DBF4: variants seen among roughly 807,000 people sequenced by gnomAD.
DBF4 encodes the protein DBF4-CDC7 kinase regulatory subunit.
In DBF4, 25 loss-of-function variants were observed where a neutral mutation model predicts 76.6. The observed-to-expected ratio is 0.33, with a 90% CI of 0.24 to 0.46. The LOEUF is 0.46. Among genes scored for constraint, DBF4 ranks in the 20% least tolerant of loss-of-function variants. DBF4 has a pLI of 1.00. For missense variants in DBF4, 638 were observed against 760.8 expected, an observed-to-expected ratio of 0.84 and a Z score of 1.90; for synonymous variants, 213 against 258.0, an observed-to-expected ratio of 0.83 and a Z score of 1.67.
intron 9 of DBF4, 116 bp from the exon 10 acceptor site, chr7:87,900,648 C>G: frequency 1.2e-6 from 1 of 835,692 alleles, no homozygotes; most frequent in Non-Finnish European, 1.9e-6. Flanking sequence ...AAAGTACTTG[C>G]TGATACAAGT....
In DBF4 at chr7:87,907,879, A is replaced by G. The variant is rs13309158; in HGVS notation, c.1741A>G (p.Ile581Val). ...TAAAATACATCGAAAAGTGAAAATA[A>G]TATTAGGACGAAATAGAAAAGAAAA... ...SGKIHRKVKIILGRNRKENLE... is the reference protein window; with the variant it reads ...SGKIHRKVKIVLGRNRKENLE... Residue 581 changes from isoleucine to valine, a missense_variant, in exon 12 of 12, where the codon ATA becomes GTA. Ile to Val is a conservative substitution (Grantham distance 29, BLOSUM62 3). Transcript: ENST00000265728. 25 of 1,613,402 alleles carry G rather than the reference A, an allele frequency of 1.5e-5. No homozygotes were observed. Among genetic ancestry groups the G allele is most frequent in the South Asian group, 5.5e-5 (5 of 90,840 alleles).
chr7:87,878,740 A>G (rs537497071), intron 2 of DBF4, among the ~76,000 whole-genome samples: 2 of 152,362 alleles, frequency 1.3e-5, no homozygotes, highest in East Asian at 1.9e-4. Flanking sequence ...CACTGATTAG[A>G]TGATTGGGAA....
chr7:87,883,613 A>G (rs1839272621), intron 2 of DBF4, among the ~76,000 whole-genome samples: 1 of 152,178 alleles, frequency 6.6e-6, no homozygotes, highest in South Asian at 2.1e-4. Flanking sequence ...TAGGTACATT[A>G]TTTACTGTTC....
chr7:87,906,486 A>G (rs1274417978), intron 11 of DBF4, among the ~76,000 whole-genome samples: 1 of 152,196 alleles, frequency 6.6e-6, no homozygotes. Flanking sequence ...CACAAAATGT[A>G]ATTGGTGAGC....
intron 7 of DBF4, among the ~76,000 whole-genome samples, chr7:87,896,735 T>TG (rs1839649539): frequency 6.6e-6 from 1 of 152,144 alleles, no homozygotes; most frequent in African/African-American, 2.4e-5. Context: ...ACCAAGAAAA[T>TG]GAATTATATT....
chr7:87,897,471 CG>C (rs1839671128), intron 8 of DBF4, 132 bp downstream of exon 8: 4 of 710,804 alleles, frequency 5.6e-6, no homozygotes, highest in Admixed American at 5.7e-5. Context: ...AATGTGCATG[CG>C]GCACAAGTTA....
chr7:87,882,377 A>T (rs1839237800), intron 2 of DBF4, among the ~76,000 whole-genome samples: 1 of 152,178 alleles, frequency 6.6e-6, no homozygotes, highest in Admixed American at 6.5e-5. Flanking sequence ...TTAGTGGAAA[A>T]TATAGGGAGA....
At chr7:87,898,802 A>T (rs1179415869) in intron 8 of DBF4, among the ~76,000 whole-genome samples, 1 of 151,916 alleles carries the variant, frequency 6.6e-6, no homozygotes, top group Non-Finnish European at 1.5e-5. Context: ...AAAAAAAAAA[A>T]AAAAAAGAAC....
chr7:87,876,625 A>G lies in DBF4; in HGVS notation c.-108A>G, dbSNP rs1005666032. 6 of 1,264,142 alleles carry G rather than the reference A, an allele frequency of 4.7e-6. No individual in the cohort carries two copies. In the South Asian group the frequency reaches 7.4e-5, roughly 16 times the overall value. The allele number at this position is 1,264,142 out of a possible 1,614,324, so 78.3% of individuals were successfully genotyped here. The stretch of plus-strand genomic sequence containing the variant: ...ACTGCGTAGAGGCCGTAGCTGGCGG[A>G]AGGAGAGAGGCGGCCGTCCTGTCAA... On this transcript the variant is annotated 5_prime_UTR_variant, in exon 1 of 12. Coordinates refer to ENST00000265728, the MANE Select transcript of DBF4 (RefSeq NM_006716.4).
chr7:87,906,067 A>C (rs1224318415), intron 11 of DBF4, among the ~76,000 whole-genome samples: 2 of 152,106 alleles, frequency 1.3e-5, no homozygotes, highest in Admixed American at 6.5e-5. Flanking sequence ...CTGAGGCGCA[A>C]GAATCACTTG....
intron 6 of DBF4, among the ~76,000 whole-genome samples, chr7:87,889,738 TATCA>T (rs1395281008): frequency 7.9e-5 from 12 of 152,196 alleles, no homozygotes; most frequent in African/African-American, 2.7e-4. Context: ...TAAATAAAAC[TATCA>T]ATCAAAGTGT....
chr7:87,882,031 T>G (rs1387728750), intron 2 of DBF4, among the ~76,000 whole-genome samples: 1 of 152,198 alleles, frequency 6.6e-6, no homozygotes, highest in African/African-American at 2.4e-5. Flanking sequence ...CAAAATTATA[T>G]TAGGGCTAGA....
At chr7:87,881,301 G>C (rs143407556) in intron 2 of DBF4, among the ~76,000 whole-genome samples, 1,938 of 152,262 alleles carry the variant, frequency 0.013, 44 homozygotes, top group African/African-American at 0.044. Flanking sequence ...CCAGCTACTG[G>C]GGAGGCTGAG....
chr7:87,877,764 TA>T (rs1188958188), intron 1 of DBF4, among the ~76,000 whole-genome samples: 1 of 152,126 alleles, frequency 6.6e-6, no homozygotes, highest in East Asian at 1.9e-4. Flanking sequence ...GTTTACATCC[TA>T]AAAAAAGAAA....
chr7:87,897,472 G>A (rs906147719), intron 8 of DBF4, 133 bp downstream of exon 8: 6 of 709,936 alleles, frequency 8.5e-6, no homozygotes, highest in East Asian at 5.8e-5. Context: ...ATGTGCATGC[G>A]GCACAAGTTA....
intron 11 of DBF4, among the ~76,000 whole-genome samples, chr7:87,906,374 T>C (rs1042100692): frequency 2.0e-5 from 3 of 150,988 alleles, no homozygotes; most frequent in Non-Finnish European, 4.4e-5. Flanking sequence ...TCAAAGAGAA[T>C]TGTTTGTAAG....
rs2131071391 is a variant in DBF4 at position 87,900,752 on chromosome 7, GT to G, written c.810-11del. ...CAGCAGTTAATTCTTTACCATGTATGTCTGTCATCAGAATCCAAACAGATGG... is the reference window on the plus strand; with the variant it reads ...CAGCAGTTAATTCTTTACCATGTATGCTGTCATCAGAATCCAAACAGATGG... On this transcript the variant is annotated splice_polypyrimidine_tract_variant and intron_variant, in intron 9 of 11. Transcript: ENST00000265728. The G allele has an allele frequency of 6.2e-7, 1 of 1,603,506 alleles. No individual in the cohort carries two copies. The highest frequency in any genetic ancestry group is 2.2e-5 in the East Asian group (1 of 44,738).
chr7:87,886,775 G>A, intron 3 of DBF4, 69 bp from the exon 4 acceptor site: 1 of 961,554 alleles, frequency 1.0e-6, no homozygotes, highest in South Asian at 1.5e-5. Context: ...TCTTTTCTTA[G>A]CTGCTTTACC....
intron 11 of DBF4, among the ~76,000 whole-genome samples, chr7:87,904,793 AAC>A (rs1839875492): frequency 6.6e-6 from 1 of 152,176 alleles, no homozygotes; most frequent in Admixed American, 6.6e-5. Flanking sequence ...ACTAAAAATA[AAC>A]ACAGTTTTCC....
Sources: gnomAD v4.1 joint callset for allele counts (sites outside exome capture counted in the v4.1 genomes callset) on GRCh38, gnomAD v4.1.1 for gene constraint, MANE v1.5 for transcripts, NCBI Gene and HGNC (gene_info 2026-07-23, HGNC 2026-07-21) for gene names.